XPNPEP3: variants seen among roughly 807,000 people sequenced by gnomAD.
XPNPEP3 encodes xaa-Pro aminopeptidase 3.
XPNPEP3 carries 41 observed loss-of-function variants against 60.0 expected under a neutral mutation model. The ratio of observed to expected loss-of-function variants is 0.68; its 90% CI spans 0.53 to 0.89. The LOEUF (loss-of-function observed/expected upper bound fraction) is 0.89, where lower values mean the gene tolerates loss of function less well. XPNPEP3 is among the 40% of genes least tolerant of loss of function. The probability of loss-of-function intolerance (pLI) is 0.00; values close to 1 mark genes in which losing one functional copy is unlikely to be tolerated. For synonymous variants in XPNPEP3, 212 were observed against 223.2 expected, an observed-to-expected ratio of 0.95 and a Z score of 0.45; for missense variants, 598 against 638.9, an observed-to-expected ratio of 0.94 and a Z score of 0.69.
intron 1 of XPNPEP3, chr22:40,862,467 T>A: frequency 4.1e-6 from 4 of 986,210 alleles, no homozygotes; most frequent in Non-Finnish European, 4.8e-6. Flanking sequence ...GACTTACGGG[T>A]GAAGAAAGTA....
At chr22:40,895,496 G>A (rs760666203) in intron 4 of XPNPEP3, among the ~76,000 whole-genome samples, 3 of 151,486 alleles carry the variant, frequency 2.0e-5, no homozygotes, top group Non-Finnish European at 4.4e-5. Flanking sequence ...CAGCACGCCC[G>A]GCTTATTTTT....
rs57674673 is a variant in XPNPEP3 at position 40,925,944 on chromosome 22, A to C, written c.1358-325A>C. On this transcript the variant is annotated intron_variant, in intron 9 of 9. Transcript: ENST00000357137. Reference sequence around the variant, plus strand: ...CCCCACATATATTGACGTACTTTTAAATTAAGTAACTTTATTGGCCTGCTT... The same window carrying C: ...CCCCACATATATTGACGTACTTTTACATTAAGTAACTTTATTGGCCTGCTT... 8.9e-3 allele frequency among the ~76,000 whole-genome samples: 1,356 copies of C among 152,256 alleles called. 20 individuals are homozygous for C. The highest frequency in any genetic ancestry group is 0.032 in the African/African-American group (1,313 of 41,528).
At chr22:40,897,245 G>A (rs531102095) in intron 4 of XPNPEP3, among the ~76,000 whole-genome samples, 32 of 151,890 alleles carry the variant, frequency 2.1e-4, no homozygotes, top group Non-Finnish European at 3.4e-4. Flanking sequence ...AGCCAGGATG[G>A]TCTCGATCTC....
chr22:40,885,845 G>A (rs2058066370), intron 3 of XPNPEP3, among the ~76,000 whole-genome samples: 1 of 152,154 alleles, frequency 6.6e-6, no homozygotes, highest in Admixed American at 6.5e-5. Flanking sequence ...AGCTGGGCAT[G>A]GTGGCGGGCA....
intron 4 of XPNPEP3, 32 bp downstream of exon 4, chr22:40,886,547 C>T (rs752844073): frequency 5.7e-5 from 92 of 1,605,246 alleles, no homozygotes; most frequent in Non-Finnish European, 7.5e-5. Flanking sequence ...TTTTTCCAGC[C>T]GGGCGCGGTG....
chr22:40,895,163 G>A (rs1601507055), intron 4 of XPNPEP3, among the ~76,000 whole-genome samples: 2 of 152,022 alleles, frequency 1.3e-5, no homozygotes, highest in East Asian at 3.9e-4. Context: ...TTGAAAGGAG[G>A]GATCCTAGGA....
chr22:40,873,905 G>A (rs1048720072), intron 2 of XPNPEP3, among the ~76,000 whole-genome samples: 5 of 152,126 alleles, frequency 3.3e-5, no homozygotes, highest in Admixed American at 1.3e-4. Flanking sequence ...TCTAGAGTGG[G>A]TTATAGATAA....
At chr22:40,861,085 A>C in intron 1 of XPNPEP3, 1 of 1,590,212 alleles carries the variant, frequency 6.3e-7, no homozygotes, top group Non-Finnish European at 8.5e-7. Context: ...CTTTTGGTAG[A>C]CTTCTTTTGC....
intron 1 of XPNPEP3, among the ~76,000 whole-genome samples, chr22:40,865,698 C>CG (rs958589706): frequency 1.6e-4 from 3 of 18,254 alleles, no homozygotes; most frequent in African/African-American, 2.3e-4. Context: ...TTGTGGGGGG[C>CG]GGGGGGGCAG....
In XPNPEP3 at chr22:40,876,072, T is replaced by G. The variant is rs144602171; in HGVS notation, c.182-5698T>G. On this transcript the variant is annotated intron_variant, in intron 2 of 9. Transcript: ENST00000357137. Reference sequence around the variant, plus strand: ...TATTTCTCTTTTTTACCTTTGTGTGTAGTCCTCATTGACACTGAGAAACTC... The same window carrying G: ...TATTTCTCTTTTTTACCTTTGTGTGGAGTCCTCATTGACACTGAGAAACTC... Among the ~76,000 whole-genome samples the G allele has an allele frequency of 4.3e-3, 657 of 152,246 alleles. 3 individuals are homozygous for G. Among genetic ancestry groups the G allele is most frequent in the Admixed American group, 7.4e-3 (113 of 15,288 alleles).
chr22:40,912,266 T>C (rs1361476542), intron 6 of XPNPEP3, among the ~76,000 whole-genome samples: 1 of 152,170 alleles, frequency 6.6e-6, no homozygotes, highest in Non-Finnish European at 1.5e-5. Context: ...GGTATACAAG[T>C]TGCCAAGTTT....
At chr22:40,909,772 C>T (rs2058170380) in intron 6 of XPNPEP3, among the ~76,000 whole-genome samples, 1 of 151,338 alleles carries the variant, frequency 6.6e-6, no homozygotes, top group Non-Finnish European at 1.5e-5. Context: ...GACTCTGTCT[C>T]TAAATAAATA....
At chr22:40,867,013 G>T in intron 1 of XPNPEP3, among the ~76,000 whole-genome samples, 1 of 152,208 alleles carries the variant, frequency 6.6e-6, no homozygotes, top group East Asian at 1.9e-4. Flanking sequence ...TGTGGAGAAG[G>T]TGCAGGAGGA....
chr22:40,891,788 C>T (rs571770456), intron 4 of XPNPEP3, among the ~76,000 whole-genome samples: 2 of 152,292 alleles, frequency 1.3e-5, no homozygotes, highest in South Asian at 4.1e-4. Flanking sequence ...AACTGCACTA[C>T]AGGAAAAGAA....
chr22:40,857,542 CTT>C (rs1226762289), intron 1 of XPNPEP3, among the ~76,000 whole-genome samples: 8 of 152,276 alleles, frequency 5.3e-5, no homozygotes, highest in Non-Finnish European at 1.5e-5. Context: ...AATTATCACA[CTT>C]AAGTGACAAA....
intron 1 of XPNPEP3, chr22:40,860,310 G>A (rs544308805): frequency 3.9e-5 from 6 of 155,606 alleles, no homozygotes; most frequent in South Asian, 2.0e-4. Flanking sequence ...GTGAAATTCT[G>A]ACTTCAACCC....
intron 9 of XPNPEP3, among the ~76,000 whole-genome samples, chr22:40,924,781 C>T (rs1018040091): frequency 4.6e-5 from 7 of 152,140 alleles, no homozygotes; most frequent in Admixed American, 3.9e-4. Context: ...TCTCAGTCTC[C>T]CAAAGTGCTA....
chr22:40,901,421 G>A (rs922751194), intron 4 of XPNPEP3, among the ~76,000 whole-genome samples: 2 of 151,974 alleles, frequency 1.3e-5, no homozygotes, highest in African/African-American at 4.8e-5. Context: ...ATTTAGTAGA[G>A]ATGGGGTTTC....
chr22:40,871,666 GTGTA>G (rs2058006362), intron 2 of XPNPEP3, among the ~76,000 whole-genome samples: 1 of 152,066 alleles, frequency 6.6e-6, no homozygotes, highest in Non-Finnish European at 1.5e-5. Context: ...TCTTACATAG[GTGTA>G]TGTGTGTATA....
Sources: allele counts gnomAD v4.1 joint callset (sites outside exome capture counted in the v4.1 genomes callset), GRCh38; gene constraint gnomAD v4.1.1; transcripts MANE v1.5; gene names NCBI Gene and HGNC (gene_info 2026-07-23, HGNC 2026-07-21).